PXDNL: variants seen among roughly 807,000 people sequenced by gnomAD.
PXDNL encodes the protein peroxidasin like, also known as probable oxidoreductase PXDNL.
Under a neutral mutation model 150.8 loss-of-function variants are expected in PXDNL, and 145 were observed. The observed-to-expected ratio is 0.96, with a 90% confidence interval of 0.84 to 1.10. PXDNL has a LOEUF of 1.10. Ranked by LOEUF, PXDNL falls within the 50% of genes least tolerant of loss-of-function variation. The probability of loss-of-function intolerance (pLI) is 0.00; values close to 1 mark genes in which losing one functional copy is unlikely to be tolerated. For synonymous variants in PXDNL, 757 were observed against 725.7 expected, an observed-to-expected ratio of 1.04 and a Z score of -0.69; for missense variants, 2,087 against 1,873.9, an observed-to-expected ratio of 1.11 and a Z score of -2.10.
intron 1 of PXDNL, among the ~76,000 whole-genome samples, chr8:51,793,430 C>A (rs1306465628): frequency 6.6e-6 from 1 of 152,178 alleles, no homozygotes; most frequent in Non-Finnish European, 1.5e-5. Flanking sequence ...AGCACCACTT[C>A]TCCTCCAAAT....
chr8:51,432,209 C>G (rs2129807988), intron 12 of PXDNL, among the ~76,000 whole-genome samples: 1 of 152,188 alleles, frequency 6.6e-6, no homozygotes, highest in Non-Finnish European at 1.5e-5. Flanking sequence ...ATGAGTTGCC[C>G]AGGACTATTA....
intron 1 of PXDNL, among the ~76,000 whole-genome samples, chr8:51,731,212 AT>A (rs984571051): frequency 7.2e-5 from 11 of 152,250 alleles, no homozygotes; most frequent in African/African-American, 2.4e-4. Flanking sequence ...CCTAGATACA[AT>A]GGGGGTACAG....
At chr8:51,367,006 CA>C (rs1360784408) in intron 19 of PXDNL, among the ~76,000 whole-genome samples, 1 of 142,914 alleles carries the variant, frequency 7.0e-6, no homozygotes, top group South Asian at 2.2e-4. Flanking sequence ...GAGGCTGAGG[CA>C]GGGGAATCGC....
intron 2 of PXDNL, among the ~76,000 whole-genome samples, chr8:51,602,082 C>T (rs1813735834): frequency 6.6e-6 from 1 of 151,682 alleles, no homozygotes; most frequent in Admixed American, 6.6e-5. Flanking sequence ...GGCCGTTAGC[C>T]TGATGGGCTT....
chr8:51,438,389 C>T (rs1259390855), intron 12 of PXDNL, among the ~76,000 whole-genome samples: 3 of 152,160 alleles, frequency 2.0e-5, no homozygotes, highest in African/African-American at 7.2e-5. Flanking sequence ...AATCTAGAGG[C>T]ATCTCATTAC....
intron 14 of PXDNL, among the ~76,000 whole-genome samples, chr8:51,423,282 T>G (rs1809004424): frequency 6.6e-6 from 1 of 152,250 alleles, no homozygotes; most frequent in African/African-American, 2.4e-5. Context: ...TGGCTATAAA[T>G]ACATCTTGCA....
intron 4 of PXDNL, among the ~76,000 whole-genome samples, chr8:51,508,035 T>C (rs1046327977): frequency 6.6e-5 from 10 of 151,876 alleles, no homozygotes; most frequent in African/African-American, 2.4e-4. Context: ...ATTAAAGGGG[T>C]GCCAAATAAG....
intron 19 of PXDNL, among the ~76,000 whole-genome samples, chr8:51,353,280 T>A (rs1210692859): frequency 2.6e-5 from 4 of 151,504 alleles, no homozygotes; most frequent in African/African-American, 4.8e-5. Context: ...ATTCATCAAT[T>A]CCACTTATAT....
intron 1 of PXDNL, among the ~76,000 whole-genome samples, chr8:51,705,807 C>CTGTG (rs71550283): frequency 0.012 from 1,681 of 143,342 alleles, 24 homozygotes; most frequent in African/African-American, 0.029. Context: ...GGTGAAAACA[C>CTGTG]TGTGTGTGTG....
chr8:51,780,574 C>A (rs751747531), intron 1 of PXDNL, among the ~76,000 whole-genome samples: 2 of 151,778 alleles, frequency 1.3e-5, no homozygotes, highest in African/African-American at 4.8e-5. Flanking sequence ...AGCTTATAAA[C>A]GCATCTTACA....
chr8:51,578,030 G>A (rs1339652744), intron 3 of PXDNL, among the ~76,000 whole-genome samples: 210 of 128,264 alleles, frequency 1.6e-3, no homozygotes, highest in African/African-American at 6.8e-3. Flanking sequence ...AGGAAGGAAG[G>A]AAGGAAGGAA....
intron 3 of PXDNL, among the ~76,000 whole-genome samples, chr8:51,557,363 T>C (rs1189185805): frequency 6.6e-6 from 1 of 152,178 alleles, no homozygotes; most frequent in South Asian, 2.1e-4. Context: ...TTGATCCTCC[T>C]GTGGCTGCTG....
At chr8:51,731,102 T>G (rs1011016943) in intron 1 of PXDNL, among the ~76,000 whole-genome samples, 2 of 152,136 alleles carry the variant, frequency 1.3e-5, no homozygotes, top group East Asian at 1.9e-4. Flanking sequence ...TTTATTCATG[T>G]CAGCATTAAT....
At chr8:51,719,297 GA>G (rs1419613561) in intron 1 of PXDNL, among the ~76,000 whole-genome samples, 1 of 152,234 alleles carries the variant, frequency 6.6e-6, no homozygotes, top group Non-Finnish European at 1.5e-5. Flanking sequence ...TCTGTACTAA[GA>G]AAAATTCTTC....
intron 17 of PXDNL, among the ~76,000 whole-genome samples, chr8:51,390,225 T>C (rs1346002242): frequency 6.6e-6 from 1 of 152,192 alleles, no homozygotes; most frequent in Non-Finnish European, 1.5e-5. Context: ...TTAAAAACAT[T>C]CTAAACTGAT....
At chr8:51,661,079 C>T (rs750795077) in intron 1 of PXDNL, among the ~76,000 whole-genome samples, 14 of 152,218 alleles carry the variant, frequency 9.2e-5, no homozygotes, top group Non-Finnish European at 2.1e-4. Context: ...TAAAACAAGT[C>T]GTCTTCATCA....
chr8:51,479,163 A>G (rs1810547533), intron 6 of PXDNL, among the ~76,000 whole-genome samples: 1 of 152,198 alleles, frequency 6.6e-6, no homozygotes. Flanking sequence ...GCTGCTACTA[A>G]GATTTAACAT....
rs1807245418 is a variant in PXDNL at position 51,374,693 on chromosome 8, G to A, written c.3596C>T (p.Ala1199Val). The A allele has an allele frequency of 6.2e-7, 1 of 1,613,792 alleles. No individual in the cohort carries two copies. Among genetic ancestry groups the A allele is most frequent in the Non-Finnish European group, 8.5e-7 (1 of 1,179,876 alleles). Residue 1199 changes from alanine to valine, a missense_variant, in exon 18 of 23, where the codon GCC (alanine) becomes GTC (valine). Ala to Val is a moderately conservative substitution (Grantham distance 64). Transcript: ENST00000356297. ...GSPGDIDLWP[A>V]LMVEDLIPGT... Reference sequence around the variant, plus strand: ...AGGAATCAGGTCTTCAACCATAAGGGCGGGCCAGAGGTCAATGTCACCTGG... The same window carrying A: ...AGGAATCAGGTCTTCAACCATAAGGACGGGCCAGAGGTCAATGTCACCTGG...
At chr8:51,475,560 T>C (rs932295665) in intron 6 of PXDNL, among the ~76,000 whole-genome samples, 2 of 152,136 alleles carry the variant, frequency 1.3e-5, no homozygotes, top group Non-Finnish European at 2.9e-5. Flanking sequence ...GGCCAGGAGT[T>C]TGAGACCAGC....
Sources: gnomAD v4.1 joint callset for allele counts (sites outside exome capture counted in the v4.1 genomes callset) on GRCh38, gnomAD v4.1.1 for gene constraint, MANE v1.5 for transcripts, NCBI Gene and HGNC (gene_info 2026-07-23, HGNC 2026-07-21) for gene names.